The following NCAM1 variants were observed in gnomAD, a reference collection of about 807,000 sequenced individuals.
NCAM1 encodes the protein antigen recognized by monoclonal antibody 5.1H11.
Under a neutral mutation model 109.8 loss-of-function variants are expected in NCAM1, and 14 were observed. The ratio of observed to expected loss-of-function variants is 0.13; its 90% CI spans 0.08 to 0.20. The LOEUF (loss-of-function observed/expected upper bound fraction) is 0.20, where lower values mean the gene tolerates loss of function less well. Ranked by LOEUF, NCAM1 falls within the 10% of genes least tolerant of loss-of-function variation. The pLI is 1.00. For synonymous variants in NCAM1, 418 were observed against 442.9 expected (o/e 0.94, Z 0.70); for missense variants, 774 against 1,109.9 (o/e 0.70, Z 4.30).
chr11:112,985,458 A>G (rs904681834), intron 1 of NCAM1, among the ~76,000 whole-genome samples: 3 of 151,852 alleles, frequency 2.0e-5, no homozygotes, highest in African/African-American at 7.2e-5. Context: ...TAGTGATTGC[A>G]TTGAATCTGT....
intron 1 of NCAM1, among the ~76,000 whole-genome samples, chr11:113,073,709 C>T (rs1394883429): frequency 6.6e-6 from 1 of 152,200 alleles, no homozygotes; most frequent in Non-Finnish European, 1.5e-5. Context: ...ACCTTTAAAT[C>T]CGCATCACAC....
At chr11:113,018,177 T>C (rs911370445) in intron 1 of NCAM1, among the ~76,000 whole-genome samples, 7 of 53,646 alleles carry the variant, frequency 1.3e-4, no homozygotes, top group Non-Finnish European at 3.8e-4. Context: ...AAGTTTTAAT[T>C]GTGGTAAAAA....
chr11:112,976,044 C>T (rs957192985), intron 1 of NCAM1, among the ~76,000 whole-genome samples: 17 of 151,926 alleles, frequency 1.1e-4, no homozygotes, highest in African/African-American at 4.1e-4. Flanking sequence ...CAATATATTA[C>T]TGAGTTATAT....
At chr11:113,210,335 A>G (rs1944352306) in intron 7 of NCAM1, among the ~76,000 whole-genome samples, 1 of 152,174 alleles carries the variant, frequency 6.6e-6, no homozygotes, top group Admixed American at 6.5e-5. Context: ...CATTTTACAA[A>G]GGAGGAACCT....
At chr11:113,182,684 G>T (rs1555108176) in intron 1 of NCAM1, among the ~76,000 whole-genome samples, 1 of 152,190 alleles carries the variant, frequency 6.6e-6, no homozygotes, top group Admixed American at 6.5e-5. Context: ...GTTAGGGGCG[G>T]TGCTGTGTTC....
chr11:113,028,893 A>G (rs896597218), intron 1 of NCAM1, among the ~76,000 whole-genome samples: 42 of 152,328 alleles, frequency 2.8e-4, no homozygotes, highest in African/African-American at 9.4e-4. Context: ...AAATATCACT[A>G]TAGTTCAGAA....
chr11:113,275,366 GGAGAACGA>G lies in NCAM1; in HGVS notation c.2560_2567del (p.Asn854GlnfsTer49). Reference sequence around the variant, plus strand: ...TCCCCAATGACGCCACACAGACAAAGGAGAACGAGAGCAAAGCATGATGGGTGAAGAGA... The same window carrying G: ...TCCCCAATGACGCCACACAGACAAAGGAGCAAAGCATGATGGGTGAAGAGA... On this transcript the variant is annotated frameshift_variant, in exon 20 of 20. Transcript: ENST00000316851. LOFTEE classifies it high-confidence loss of function. 6.2e-7 allele frequency: 1 copy of G among 1,613,162 alleles called. No individual in the cohort carries two copies. Among genetic ancestry groups the G allele is most frequent in the Non-Finnish European group, 8.5e-7 (1 of 1,179,534 alleles).
intron 1 of NCAM1, among the ~76,000 whole-genome samples, chr11:113,201,357 A>G (rs1944053161): frequency 6.6e-6 from 1 of 152,132 alleles, no homozygotes. Context: ...GGCTCACTGA[A>G]TCTCCATTCC....
rs564861056 is a variant in NCAM1 at position 113,030,676 on chromosome 11, G to T, written c.52+69012G>T. On this transcript the variant is annotated intron_variant, in intron 1 of 19. Transcript: ENST00000316851. ...TACTTGCTTTCCAGATCTTGTTAAGGTATCAGGAAATCCCTTTATCCTTTG... is the reference window on the plus strand; with the variant it reads ...TACTTGCTTTCCAGATCTTGTTAAGTTATCAGGAAATCCCTTTATCCTTTG... Among the ~76,000 whole-genome samples the T allele has an allele frequency of 2.6e-5, 4 of 152,232 alleles. No homozygotes were observed. The South Asian group carries it at 8.3e-4, about 32-fold the overall frequency.
intron 1 of NCAM1, among the ~76,000 whole-genome samples, chr11:113,050,293 G>A (rs1185333851): frequency 2.0e-5 from 3 of 152,150 alleles, no homozygotes; most frequent in Non-Finnish European, 4.4e-5. Context: ...TAGAAATAAG[G>A]CATTTAAGTG....
At chr11:113,069,216 C>T (rs183382868) in intron 1 of NCAM1, among the ~76,000 whole-genome samples, 1 of 152,136 alleles carries the variant, frequency 6.6e-6, no homozygotes, top group Non-Finnish European at 1.5e-5. Context: ...CTAGAGAAAA[C>T]GAGGCACTCA....
chr11:113,153,822 T>A (rs1555103007), intron 1 of NCAM1, among the ~76,000 whole-genome samples: 1 of 152,242 alleles, frequency 6.6e-6, no homozygotes, highest in Non-Finnish European at 1.5e-5. Flanking sequence ...CCTGGCTCTG[T>A]AACTGTGCTT....
At chr11:113,204,528 C>T (rs782374658) in intron 3 of NCAM1, 24 bp downstream of exon 3, 1 of 1,606,888 alleles carries the variant, frequency 6.2e-7, no homozygotes, top group Non-Finnish European at 8.5e-7. Flanking sequence ...TCTTCTTCTG[C>T]ATTCTCTGGC....
intron 1 of NCAM1, among the ~76,000 whole-genome samples, chr11:113,025,013 G>GAAGT (rs782173321): frequency 1.3e-5 from 2 of 152,194 alleles, no homozygotes; most frequent in Non-Finnish European, 2.9e-5. Flanking sequence ...AATCTCATTG[G>GAAGT]AAGTAAATGG....
At chr11:113,272,921 G>A (rs782021474) in intron 19 of NCAM1, 5 of 456,378 alleles carry the variant, frequency 1.1e-5, no homozygotes, top group South Asian at 3.1e-5. Flanking sequence ...TCTACTTCCT[G>A]TCCTCCCACA....
chr11:113,271,398 AAAAGG>A, intron 18 of NCAM1, among the ~76,000 whole-genome samples: 1 of 126,016 alleles, frequency 7.9e-6, no homozygotes, highest in Non-Finnish European at 1.7e-5. Context: ...AAAAAAAAAG[AAAAGG>A]AAAGGAAAAG....
intron 9 of NCAM1, among the ~76,000 whole-genome samples, chr11:113,229,806 C>T (rs1944949036): frequency 6.6e-6 from 1 of 152,066 alleles, no homozygotes. Flanking sequence ...AGCTGGAAAC[C>T]ATCGTTCTCA....
chr11:113,234,933 A>G lies in NCAM1; in HGVS notation c.1694-100A>G, dbSNP rs1409711238. On this transcript the variant is annotated intron_variant, in intron 13 of 19. Coordinates refer to ENST00000316851, the MANE Select transcript of NCAM1 (RefSeq NM_181351.5). Reference sequence around the variant, plus strand: ...ATAGAATTGCTGGACCAAATGATAAATCTACAGTTAATTTTTTCAGGACCC... The same window carrying G: ...ATAGAATTGCTGGACCAAATGATAAGTCTACAGTTAATTTTTTCAGGACCC... The G allele has an allele frequency of 5.0e-6, 7 of 1,393,016 alleles. No individual in the cohort carries two copies. The African/African-American group carries it at 8.7e-5, about 17-fold the overall frequency. 86.3% of individuals were successfully genotyped at this position (1,393,016 alleles called of 1,614,324 possible).
At chr11:113,059,149 T>A (rs1261817016) in intron 1 of NCAM1, among the ~76,000 whole-genome samples, 4 of 152,148 alleles carry the variant, frequency 2.6e-5, no homozygotes, top group African/African-American at 9.6e-5. Flanking sequence ...GGGCAAGCCA[T>A]TTAACCTTTA....
Sources: allele counts gnomAD v4.1 joint callset (sites outside exome capture counted in the v4.1 genomes callset), GRCh38; gene constraint gnomAD v4.1.1; transcripts MANE v1.5; gene names NCBI Gene and HGNC (gene_info 2026-07-23, HGNC 2026-07-21).